The following XKR9 variants were observed in gnomAD, a reference collection of about 807,000 sequenced individuals.
The protein encoded by XKR9 is XK-related protein 9.
XKR9 carries 32 observed loss-of-function variants against 32.0 expected under a neutral mutation model. That is an observed-to-expected ratio of 1.00 (90% CI 0.76 to 1.34). The LOEUF is 1.34. Among genes scored for constraint, XKR9 ranks in the 40% most tolerant of loss-of-function variants. The probability of loss-of-function intolerance (pLI) is 0.00; values close to 1 mark genes in which losing one functional copy is unlikely to be tolerated. For missense variants in XKR9, 546 were observed against 429.7 expected, an observed-to-expected ratio of 1.27 and a Z score of -2.39; for synonymous variants, 168 against 143.4, an observed-to-expected ratio of 1.17 and a Z score of -1.22.
the XKR9 span, among the ~76,000 whole-genome samples, chr8:71,019,072 T>C: frequency 1.3e-5 from 2 of 152,222 alleles, no homozygotes; most frequent in African/African-American, 2.4e-5. Flanking sequence ...GCATCCACTT[T>C]CTAAAAATGA....
At chr8:71,035,641 T>G in the XKR9 span, among the ~76,000 whole-genome samples, 2 of 152,204 alleles carry the variant, frequency 1.3e-5, no homozygotes, top group African/African-American at 4.8e-5. Flanking sequence ...TAGACACAAG[T>G]AAGGGCTCAG....
rs1320858705 is a variant in XKR9, at chr8:70,734,376, A to G, written c.1074A>G (p.Gly358=). 1 of 1,609,196 alleles carries G rather than the reference A, an allele frequency of 6.2e-7. No homozygotes were observed. The highest frequency in any genetic ancestry group is 8.5e-7 in the Non-Finnish European group (1 of 1,179,252). ...SAETKCDEID[G]KPVLRECRMR... is the part of the protein sequence containing the mutation. ...AAACAAAATGTGATGAAATTGATGG[A>G]AAACCAGTTCTAAGAGAATGTAGAA... is the stretch of plus-strand genomic sequence containing the variant. The change falls in exon 5 of 5, where the codon GGA becomes GGG. Residue 358 remains glycine (G), a synonymous_variant. Coordinates refer to ENST00000408926, the MANE Select transcript of XKR9 (RefSeq NM_001011720.2).
chr8:70,840,419 G>A, the XKR9 span, among the ~76,000 whole-genome samples: 5 of 151,780 alleles, frequency 3.3e-5, no homozygotes, highest in Non-Finnish European at 7.4e-5. Context: ...ACTTTTGATG[G>A]CAATGGAAAA....
At chr8:70,990,733 A>AAGAGAGAG in the XKR9 span, among the ~76,000 whole-genome samples, 100 of 143,302 alleles carry the variant, frequency 7.0e-4, no homozygotes, top group African/African-American at 1.6e-3. Context: ...TTGGCAGAAT[A>AAGAGAGAG]AGAGAGAGAG....
chr8:70,982,322 G>T, the XKR9 span, among the ~76,000 whole-genome samples: 1 of 152,166 alleles, frequency 6.6e-6, no homozygotes, highest in Non-Finnish European at 1.5e-5. Context: ...CAGGGATAGG[G>T]GTGTGTGAGC....
the XKR9 span, among the ~76,000 whole-genome samples, chr8:70,874,478 G>T: frequency 2.0e-5 from 3 of 152,136 alleles, no homozygotes; most frequent in African/African-American, 7.2e-5. Flanking sequence ...TATGGTGCTT[G>T]CTAGAGACTC....
the XKR9 span, among the ~76,000 whole-genome samples, chr8:70,962,663 T>C: frequency 2.0e-5 from 3 of 152,224 alleles, no homozygotes; most frequent in African/African-American, 7.2e-5. Flanking sequence ...GCAATGAGAA[T>C]AGACTACAGT....
the XKR9 span, among the ~76,000 whole-genome samples, chr8:70,841,964 A>G: frequency 2.0e-5 from 3 of 152,146 alleles, no homozygotes; most frequent in Non-Finnish European, 4.4e-5. Context: ...CTCACCTACT[A>G]CTTTTAGCAT....
At chr8:70,688,914 A>T (rs1230773008) in intron 3 of XKR9, among the ~76,000 whole-genome samples, 1 of 152,204 alleles carries the variant, frequency 6.6e-6, no homozygotes, top group African/African-American at 2.4e-5. Flanking sequence ...AAAAGAAGAC[A>T]TCGGAGAATT....
chr8:70,717,010 C>T (rs1366499450), intron 4 of XKR9, among the ~76,000 whole-genome samples: 4 of 152,220 alleles, frequency 2.6e-5, no homozygotes, highest in Admixed American at 2.6e-4. Context: ...GTGGAGCAGT[C>T]AAATCTTCAA....
chr8:71,058,035 G>A, the XKR9 span, among the ~76,000 whole-genome samples: 3 of 152,046 alleles, frequency 2.0e-5, no homozygotes, highest in African/African-American at 7.2e-5. Flanking sequence ...CAAAAAATTA[G>A]CCGGGTGTGG....
At chr8:70,719,260 T>C (rs1292077331) in intron 4 of XKR9, among the ~76,000 whole-genome samples, 1 of 152,210 alleles carries the variant, frequency 6.6e-6, no homozygotes, top group African/African-American at 2.4e-5. Flanking sequence ...AGGTTGCCTG[T>C]TCACGCTGAT....
chr8:71,038,522 T>C, the XKR9 span, among the ~76,000 whole-genome samples: 1 of 151,754 alleles, frequency 6.6e-6, no homozygotes, highest in East Asian at 1.9e-4. Flanking sequence ...GGTTTCACCA[T>C]GTTGGCCAGG....
the XKR9 span, among the ~76,000 whole-genome samples, chr8:70,863,607 G>GA: frequency 3.3e-5 from 5 of 152,156 alleles, no homozygotes; most frequent in Non-Finnish European, 7.4e-5. Context: ...GAGGTAGTCA[G>GA]ATATATGTGT....
chr8:70,987,446 G>A, the XKR9 span, among the ~76,000 whole-genome samples: 1 of 152,210 alleles, frequency 6.6e-6, no homozygotes, highest in African/African-American at 2.4e-5. Flanking sequence ...TAGAGCCCAT[G>A]AAGTCCAAAA....
chr8:70,706,646 A>G (rs909362768), intron 3 of XKR9, among the ~76,000 whole-genome samples: 5 of 152,218 alleles, frequency 3.3e-5, no homozygotes, highest in African/African-American at 1.2e-4. Flanking sequence ...TGTGAAATGG[A>G]ATAATGTCTC....
chr8:70,858,892 C>T, the XKR9 span, among the ~76,000 whole-genome samples: 2 of 152,052 alleles, frequency 1.3e-5, no homozygotes, highest in African/African-American at 4.8e-5. Context: ...AGACTCAGAA[C>T]TATGAAATTA....
the XKR9 span, among the ~76,000 whole-genome samples, chr8:70,885,570 C>T: frequency 1.1e-4 from 16 of 151,892 alleles, no homozygotes; most frequent in East Asian, 2.1e-3. Context: ...CTCCCCTTTC[C>T]GTTGATCCAT....
At chr8:70,990,410 A>G in the XKR9 span, among the ~76,000 whole-genome samples, 2 of 152,178 alleles carry the variant, frequency 1.3e-5, no homozygotes, top group Non-Finnish European at 2.9e-5. Flanking sequence ...AATATAAAAT[A>G]CAGAACTGGA....
Sources: allele counts gnomAD v4.1 joint callset (sites outside exome capture counted in the v4.1 genomes callset), GRCh38; gene constraint gnomAD v4.1.1; transcripts MANE v1.5; gene names NCBI Gene and HGNC (gene_info 2026-07-23, HGNC 2026-07-21).